CAPS2: variants seen among roughly 807,000 people sequenced by gnomAD.
CAPS2 encodes calcyphosin-2.
Under a neutral mutation model 86.5 loss-of-function variants are expected in CAPS2, and 98 were observed. The ratio of observed to expected loss-of-function variants is 1.13; its 90% CI spans 0.96 to 1.34. The LOEUF is 1.34. Ranked by LOEUF, CAPS2 falls within the 40% of genes most tolerant of loss-of-function variation. The pLI is 0.00. For missense variants in CAPS2, 729 were observed against 686.8 expected, an observed-to-expected ratio of 1.06 and a Z score of -0.69; for synonymous variants, 210 against 225.1, an observed-to-expected ratio of 0.93 and a Z score of 0.60.
At chr12:75,298,953 C>G in exon 10 of CAPS2, 5 of 1,592,544 alleles carry the variant, frequency 3.1e-6, no homozygotes, top group Non-Finnish European at 4.3e-6. Context: ...TCTCTGCAAG[C>G]ATCACGTCCA....
intron 1 of CAPS2, among the ~76,000 whole-genome samples, chr12:75,378,279 C>G (rs1328609925): frequency 6.6e-6 from 1 of 152,160 alleles, no homozygotes; most frequent in Admixed American, 6.6e-5. Flanking sequence ...TGATTATAGG[C>G]ATGAGCCACT....
downstream of CAPS2, chr12:75,276,295 C>T: frequency 1.3e-6 from 2 of 1,528,168 alleles, no homozygotes; most frequent in Middle Eastern, 1.7e-4. Flanking sequence ...TATTTGCAAG[C>T]ACTACAAACT....
At chr12:75,343,118 T>C (rs961794544) in intron 1 of CAPS2, among the ~76,000 whole-genome samples, 2 of 152,014 alleles carry the variant, frequency 1.3e-5, no homozygotes, top group Admixed American at 1.3e-4. Flanking sequence ...TTTTGTCTTA[T>C]GTATTTACAA....
chr12:75,296,859 GA>G (rs2036987535), intron 11 of CAPS2, among the ~76,000 whole-genome samples: 2 of 152,220 alleles, frequency 1.3e-5, no homozygotes, highest in African/African-American at 2.4e-5. Context: ...GAAAAATGGA[GA>G]AGAGTGCTTT....
chr12:75,344,011 A>G (rs2042290000), intron 1 of CAPS2: 2 of 1,265,326 alleles, frequency 1.6e-6, no homozygotes, highest in East Asian at 2.4e-5. Context: ...ATTTCTCTGT[A>G]TGTAAAGTGC....
chr12:75,363,302 G>A, intron 1 of CAPS2: 2 of 436,546 alleles, frequency 4.6e-6, no homozygotes, highest in East Asian at 3.8e-5. Flanking sequence ...AGATTTGACT[G>A]TTGTTATCTT....
intron 7 of CAPS2, chr12:75,305,684 C>G (rs1380765945): frequency 1.5e-6 from 1 of 657,290 alleles, no homozygotes; most frequent in Non-Finnish European, 2.9e-6. Context: ...CCAGTCTGGC[C>G]CGGCACAGCT....
intron 1 of CAPS2, among the ~76,000 whole-genome samples, chr12:75,341,738 G>A (rs1217029848): frequency 1.4e-5 from 2 of 146,282 alleles, no homozygotes; most frequent in Admixed American, 1.4e-4. Context: ...GAGCCACCGC[G>A]CCCGGCCTCT....
chr12:75,284,420 T>G (rs2034513695), intron 15 of CAPS2, among the ~76,000 whole-genome samples: 1 of 152,154 alleles, frequency 6.6e-6, no homozygotes, highest in Non-Finnish European at 1.5e-5. Context: ...CCTATTAAAG[T>G]CAGTACTCCT....
intron 7 of CAPS2, among the ~76,000 whole-genome samples, chr12:75,311,790 G>A (rs1267325658): frequency 6.8e-6 from 1 of 147,618 alleles, no homozygotes; most frequent in African/African-American, 2.5e-5. Flanking sequence ...GCTGCAGATG[G>A]GTCAAGTAAA....
chr12:75,276,851 T>C (rs1267655348), downstream of CAPS2: 1 of 957,202 alleles, frequency 1.0e-6, no homozygotes, highest in Non-Finnish European at 1.2e-6. Flanking sequence ...TAATTTAATA[T>C]TTTAACATTT....
At chr12:75,291,666 C>A in intron 13 of CAPS2, 78 bp downstream of exon 13, 1 of 490,316 alleles carries the variant, frequency 2.0e-6, no homozygotes, top group South Asian at 4.5e-5. Flanking sequence ...TGAGAAATAT[C>A]TGGGAAAATG....
chr12:75,351,691 C>T lies in CAPS2; in HGVS notation c.-394-28469G>A, dbSNP rs542672574. Among the ~76,000 whole-genome samples the T allele has an allele frequency of 3.3e-3, 503 of 151,946 alleles. 3 individuals carry two copies. Among genetic ancestry groups the T allele is most frequent in the African/African-American group, 3.7e-3 (154 of 41,446 alleles). On this transcript the variant is annotated intron_variant, in intron 1 of 5. Coordinates refer to the CAPS2 transcript ENST00000551829. ...CCTCCTGAGTAGCTGGGATTAGAGG[C>T]GCTCCCCACCACACCCAGCTAATTT...
At chr12:75,316,608 C>T (rs1165812178) in intron 5 of CAPS2, among the ~76,000 whole-genome samples, 174 bp from the exon 6 acceptor site, 6 of 152,068 alleles carry the variant, frequency 3.9e-5, no homozygotes, top group African/African-American at 4.8e-5. Context: ...TCCACTTGCC[C>T]GCTAGGTGAC....
rs144136686 is a variant in CAPS2, at chr12:75,279,482, C to T, written c.1613-417G>A. Among the ~76,000 whole-genome samples, 241 of 151,972 alleles carry T rather than the reference C, an allele frequency of 1.6e-3. 2 individuals carry two copies. Among genetic ancestry groups the T allele is most frequent in the African/African-American group, 5.6e-3 (233 of 41,512 alleles). ...TAAAACGTTTTAAAGTCAGGTTATG[C>T]TTTAAATAACAGGCTTAGATGGGAA... On this transcript the variant is annotated intron_variant, in intron 16 of 16. Transcript: ENST00000393284.
chr12:75,325,973 T>C (rs2040741764), intron 1 of CAPS2, among the ~76,000 whole-genome samples: 2 of 152,066 alleles, frequency 1.3e-5, no homozygotes, highest in African/African-American at 4.8e-5. Flanking sequence ...GTCATAAAAA[T>C]TACAGCAAGC....
intron 15 of CAPS2, among the ~76,000 whole-genome samples, chr12:75,284,330 T>C (rs1310768014): frequency 6.6e-6 from 1 of 152,114 alleles, no homozygotes; most frequent in African/African-American, 2.4e-5. Flanking sequence ...TAAGTACATA[T>C]GCAAAAGAAA....
chr12:75,288,119 T>C (rs2035221341), intron 14 of CAPS2, among the ~76,000 whole-genome samples: 2 of 152,228 alleles, frequency 1.3e-5, no homozygotes, highest in Non-Finnish European at 2.9e-5. Context: ...CACACTCATG[T>C]GATTGTAAGC....
At chr12:75,359,582 T>A (rs1247374818) in intron 1 of CAPS2, among the ~76,000 whole-genome samples, 2 of 151,994 alleles carry the variant, frequency 1.3e-5, no homozygotes, top group Non-Finnish European at 2.9e-5. Context: ...TTTCAAAAGT[T>A]ATTAAAACTG....
Sources: allele counts gnomAD v4.1 joint callset (sites outside exome capture counted in the v4.1 genomes callset), GRCh38; gene constraint gnomAD v4.1.1; transcripts MANE v1.5; gene names NCBI Gene and HGNC (gene_info 2026-07-23, HGNC 2026-07-21).